CRACDL: variants seen among roughly 807,000 people sequenced by gnomAD.
CRACDL encodes CRACD like.
In CRACDL, 26 loss-of-function variants were observed where a neutral mutation model predicts 70.6. The observed-to-expected ratio is 0.37, with a 90% CI of 0.27 to 0.51. CRACDL has a LOEUF of 0.51. CRACDL is among the 20% of genes least tolerant of loss of function. CRACDL has a pLI of 0.94. For synonymous variants in CRACDL, 618 were observed against 615.2 expected (o/e 1.00, Z -0.07); for missense variants, 1,283 against 1,376.9 (o/e 0.93, Z 1.08).
intron 3 of CRACDL, among the ~76,000 whole-genome samples, chr2:98,837,188 T>A (rs1575370256): frequency 2.7e-5 from 3 of 113,106 alleles, no homozygotes; most frequent in Non-Finnish European, 3.6e-5. Flanking sequence ...AATCAAAACC[T>A]AAATCAAACC....
Position 98,823,356 on chromosome 2 carries a change from C to A in CRACDL, c.917G>T (p.Arg306Leu). 1.3e-6 allele frequency: 2 copies of A among 1,519,594 alleles called. No individual in the cohort carries two copies. Among genetic ancestry groups the A allele is most frequent in the Non-Finnish European group, 1.8e-6 (2 of 1,141,178 alleles). 94.1% of individuals were successfully genotyped at this position (1,519,594 alleles called of 1,614,324 possible). A position where few individuals can be genotyped will look rare whatever the true frequency, so the allele number is the denominator to read the frequency against. ...PAPLPPPGGA[R>L]ARRARLQHSS... is the part of the protein sequence containing the mutation. ...GTGCTGCAGGCGGGCGCGTCTGGCA[C>A]GGGCCCCTCCGGGTGGCGGCAAGGG... The change falls in exon 7 of 10, where the codon CGT (arginine) becomes CTT (leucine). Residue 306 changes from arginine to leucine, a missense_variant. Physicochemically the swap from Arg to Leu is moderately radical, Grantham distance 102. This residue lies in a region of CRACDL where 362 missense variants were observed against 495.0 expected (regional missense o/e 0.73). Coordinates refer to ENST00000397899, the MANE Select transcript of CRACDL (RefSeq NM_207362.3). The surrounding 1 kb of genome is among the most constrained non-coding windows in gnomAD (Gnocchi z 4.0).
intron 1 of CRACDL, among the ~76,000 whole-genome samples, chr2:98,879,610 G>A (rs554494007): frequency 3.9e-5 from 6 of 152,124 alleles, no homozygotes; most frequent in Non-Finnish European, 5.9e-5. Flanking sequence ...GTGCAGTGGC[G>A]CAATCTCGGC....
At chr2:98,855,801 A>G (rs1236243697) in intron 1 of CRACDL, among the ~76,000 whole-genome samples, 1 of 152,258 alleles carries the variant, frequency 6.6e-6, no homozygotes, top group Non-Finnish European at 1.5e-5. Context: ...AACTATAAAA[A>G]TAAACAAACT....
intron 1 of CRACDL, among the ~76,000 whole-genome samples, chr2:98,895,595 C>A (rs2104645328): frequency 6.6e-6 from 1 of 152,188 alleles, no homozygotes; most frequent in South Asian, 2.1e-4. Flanking sequence ...GGGAAGGGAA[C>A]TAAGTAGAGG....
chr2:98,908,913 T>C (rs892542557), intron 1 of CRACDL, among the ~76,000 whole-genome samples: 1 of 152,228 alleles, frequency 6.6e-6, no homozygotes, highest in Admixed American at 6.5e-5. Flanking sequence ...TTTATTTGTA[T>C]CAGTAAATTT....
chr2:98,932,605 A>G (rs991646178), intron 1 of CRACDL, among the ~76,000 whole-genome samples: 11 of 152,142 alleles, frequency 7.2e-5, no homozygotes, highest in African/African-American at 2.7e-4. Flanking sequence ...GTACGCAGAA[A>G]GCCATTCAAT....
At chr2:98,869,984 AC>A (rs1481737584) in intron 1 of CRACDL, among the ~76,000 whole-genome samples, 1 of 150,862 alleles carries the variant, frequency 6.6e-6, no homozygotes, top group Admixed American at 6.6e-5. Context: ...CCCAAAAATC[AC>A]CCACTGAGCC....
At chr2:98,878,658 A>G (rs1707553358) in intron 1 of CRACDL, among the ~76,000 whole-genome samples, 1 of 152,234 alleles carries the variant, frequency 6.6e-6, no homozygotes, top group Non-Finnish European at 1.5e-5. Flanking sequence ...TAACCAACAT[A>G]TGAAACAGGT....
In CRACDL at chr2:98,882,298, G is replaced by A. The variant is rs144635879; in HGVS notation, c.-10-35488C>T. Reference sequence around the variant, plus strand: ...GATCACCCAGGAATTCAGTTAGCCAGACTCTTAATACATAGTATGGCCCAA... The same window carrying A: ...GATCACCCAGGAATTCAGTTAGCCAAACTCTTAATACATAGTATGGCCCAA... On this transcript the variant is annotated intron_variant, in intron 1 of 9. Coordinates refer to ENST00000397899, the MANE Select transcript of CRACDL (RefSeq NM_207362.3). Among the ~76,000 whole-genome samples, 944 of 152,378 alleles carry A rather than the reference G, an allele frequency of 6.2e-3. 2 individuals are homozygous for A. The highest frequency in any genetic ancestry group is 0.01 in the Non-Finnish European group (695 of 68,034).
At chr2:98,918,327 G>A (rs538281904) in intron 1 of CRACDL, among the ~76,000 whole-genome samples, 1 of 152,078 alleles carries the variant, frequency 6.6e-6, no homozygotes, top group East Asian at 1.9e-4. Flanking sequence ...GAGTTCAGGA[G>A]TTCGAGACCA....
intron 1 of CRACDL, among the ~76,000 whole-genome samples, chr2:98,896,671 G>A (rs1453447764): frequency 3.3e-5 from 5 of 152,176 alleles, no homozygotes; most frequent in Non-Finnish European, 5.9e-5. Context: ...CCAACACCCT[G>A]CGTCTGGAGG....
intron 1 of CRACDL, among the ~76,000 whole-genome samples, chr2:98,889,291 G>GAA (rs1240764256): frequency 3.1e-5 from 1 of 32,604 alleles, no homozygotes; most frequent in African/African-American, 5.6e-4. Flanking sequence ...GAGAGAGAAA[G>GAA]AAAGAAAGAA....
intron 1 of CRACDL, among the ~76,000 whole-genome samples, chr2:98,926,003 CTG>C (rs201783596): frequency 2.6e-5 from 4 of 152,152 alleles, no homozygotes; most frequent in South Asian, 2.1e-4. Flanking sequence ...CAAAAAATAA[CTG>C]TATTTTTTTA....
intron 1 of CRACDL, among the ~76,000 whole-genome samples, chr2:98,911,529 C>T (rs995547724): frequency 2.6e-5 from 4 of 152,202 alleles, no homozygotes; most frequent in African/African-American, 9.6e-5. Context: ...ATCCAACACG[C>T]GTTGTCCAAA....
At chr2:98,899,256 G>C (rs1342160555) in intron 1 of CRACDL, among the ~76,000 whole-genome samples, 3 of 152,198 alleles carry the variant, frequency 2.0e-5, no homozygotes, top group Admixed American at 6.5e-5. Flanking sequence ...CCACACAAAG[G>C]GGTGACACAA....
intron 1 of CRACDL, among the ~76,000 whole-genome samples, chr2:98,929,619 C>A (rs890966385): frequency 3.3e-5 from 5 of 152,128 alleles, no homozygotes; most frequent in African/African-American, 1.2e-4. Flanking sequence ...TCCCAGAATG[C>A]CCCAGGCACG....
Position 98,822,402 on chromosome 2 carries a change from T to C in CRACDL, c.1871A>G (p.His624Arg), listed in dbSNP as rs1705096085. The part of the protein sequence containing the change: ...DDLQGLPEPQ[H>R]AKPGPRKLAE... The stretch of plus-strand genomic sequence containing the variant: ...CAGCTTCCGAGGGCCAGGTTTCGCG[T>C]GCTGGGGCTCGGGGAGACCCTGGAG... Residue 624 changes from histidine (H) to arginine (R), a missense_variant, in exon 7 of 10, where the codon CAC becomes CGC. This residue lies in a region of CRACDL where 921 missense variants were observed against 881.9 expected (regional missense o/e 1.04). Coordinates refer to ENST00000397899, the MANE Select transcript of CRACDL (RefSeq NM_207362.3). The surrounding 1 kb of genome is among the most constrained non-coding windows in gnomAD (Gnocchi z 4.9). The C allele has an allele frequency of 1.3e-6, 2 of 1,481,738 alleles. No homozygotes were observed. The highest frequency in any genetic ancestry group is 1.8e-6 in the Non-Finnish European group (2 of 1,124,860). 91.8% of individuals were successfully genotyped at this position (1,481,738 alleles called of 1,614,324 possible). A position where few individuals can be genotyped will look rare whatever the true frequency, so the allele number is the denominator to read the frequency against.
intron 1 of CRACDL, among the ~76,000 whole-genome samples, chr2:98,861,167 T>C (rs1706919984): frequency 1.3e-5 from 2 of 152,118 alleles, no homozygotes; most frequent in East Asian, 3.9e-4. Context: ...GCCAACATGG[T>C]GAAACCCCAT....
intron 1 of CRACDL, among the ~76,000 whole-genome samples, chr2:98,866,534 C>G (rs893049721): frequency 4.8e-5 from 6 of 125,050 alleles, no homozygotes; most frequent in African/African-American, 1.6e-4. Context: ...GATGCCCAGG[C>G]TGGAGTACAA....
Sources: gnomAD v4.1 joint callset for allele counts (sites outside exome capture counted in the v4.1 genomes callset) on GRCh38, gnomAD v4.1.1 for gene constraint, gnomAD v4.1.1 regional missense constraint, Gnocchi (gnomAD v3.1) non-coding constraint, MANE v1.5 for transcripts, NCBI Gene and HGNC (gene_info 2026-07-23, HGNC 2026-07-21) for gene names.